Variants in CDK14 observed in about 807,000 individuals in gnomAD.
CDK14 encodes the protein cyclin-dependent kinase 14.
A neutral mutation model predicts 60.7 loss-of-function variants in CDK14; 34 were observed. That is an observed-to-expected ratio of 0.56 (90% CI 0.43 to 0.75). CDK14 has a LOEUF of 0.75. Among genes scored for constraint, CDK14 ranks in the 30% least tolerant of loss-of-function variants. The probability of loss-of-function intolerance (pLI) is 0.00; values close to 1 mark genes in which losing one functional copy is unlikely to be tolerated. For synonymous variants in CDK14, 197 were observed against 203.7 expected (o/e 0.97, Z 0.28); for missense variants, 482 against 564.1 (o/e 0.85, Z 1.47).
At chr7:91,107,055 G>T (rs938972800) in intron 12 of CDK14, among the ~76,000 whole-genome samples, 1 of 152,194 alleles carries the variant, frequency 6.6e-6, no homozygotes, top group South Asian at 2.1e-4. Context: ...ACCTAGATGG[G>T]TAAACCTAGG....
chr7:90,708,833 C>T (rs1801961607), intron 2 of CDK14, among the ~76,000 whole-genome samples: 1 of 152,064 alleles, frequency 6.6e-6, no homozygotes, highest in African/African-American at 2.4e-5. Context: ...TAAGGTATTT[C>T]TCAGTTGTAT....
intron 2 of CDK14, among the ~76,000 whole-genome samples, chr7:90,719,002 C>T (rs760652034): frequency 5.9e-5 from 9 of 152,026 alleles, no homozygotes; most frequent in Non-Finnish European, 7.4e-5. Flanking sequence ...GGTAGTACTA[C>T]GATTTAAGTG....
intron 5 of CDK14, among the ~76,000 whole-genome samples, chr7:90,809,810 T>A (rs1337838105): frequency 6.6e-6 from 1 of 152,124 alleles, no homozygotes; most frequent in Non-Finnish European, 1.5e-5. Context: ...CCCACAGAAA[T>A]GCAGACTACC....
intron 12 of CDK14, among the ~76,000 whole-genome samples, chr7:91,099,580 C>T (rs369870351): frequency 4.5e-4 from 68 of 152,146 alleles, no homozygotes; most frequent in African/African-American, 1.6e-3. Context: ...CCTGTGAAGT[C>T]GGTGAAATAA....
chr7:90,872,288 T>TA (rs1791393473), intron 6 of CDK14, among the ~76,000 whole-genome samples: 1 of 152,204 alleles, frequency 6.6e-6, no homozygotes, highest in Admixed American at 6.5e-5. Context: ...GGGTTTTTGT[T>TA]TCATATATGG....
intron 2 of CDK14, among the ~76,000 whole-genome samples, chr7:90,713,425 G>A (rs1335654682): frequency 1.3e-5 from 2 of 151,698 alleles, no homozygotes; most frequent in East Asian, 3.9e-4. Context: ...TTCTTAATGG[G>A]TCTTGCTTTC....
chr7:90,796,833 A>G (rs1268370087), intron 5 of CDK14, among the ~76,000 whole-genome samples: 1 of 151,902 alleles, frequency 6.6e-6, no homozygotes, highest in Non-Finnish European at 1.5e-5. Flanking sequence ...AGTAGTATAT[A>G]TGTACCATGG....
chr7:90,747,713 A>G lies in CDK14; in HGVS notation c.402A>G (p.Ser134=). 1 of 1,598,990 alleles carries G rather than the reference A, an allele frequency of 6.3e-7. No individual in the cohort carries two copies. Among genetic ancestry groups the G allele is most frequent in the Non-Finnish European group, 8.5e-7 (1 of 1,174,960 alleles). Reference sequence around the variant, plus strand: ...GTCCCAAATTTGGAAAAGCTGACTCATATGAAAAGCTGGAAAAACTAGGGG... The same window carrying G: ...GTCCCAAATTTGGAAAAGCTGACTCGTATGAAAAGCTGGAAAAACTAGGGG... ...PTSPKFGKAD[S]YEKLEKLGEG... The change falls in exon 4 of 15, where the codon TCA becomes TCG. Residue 134 remains serine, a synonymous_variant. Coordinates refer to ENST00000380050, the MANE Select transcript of CDK14 (RefSeq NM_001287135.2).
intron 11 of CDK14, among the ~76,000 whole-genome samples, chr7:91,062,748 T>C (rs1797844162): frequency 6.6e-6 from 1 of 151,958 alleles, no homozygotes; most frequent in South Asian, 2.1e-4. Context: ...AAAATACTGT[T>C]TCATGACACA....
intron 5 of CDK14, among the ~76,000 whole-genome samples, chr7:90,804,742 C>G (rs1314651598): frequency 6.6e-6 from 1 of 152,000 alleles, no homozygotes; most frequent in Non-Finnish European, 1.5e-5. Context: ...GAATTCCTGG[C>G]TGTTTTAAAT....
intron 14 of CDK14, among the ~76,000 whole-genome samples, chr7:91,121,533 T>C (rs1185066873): frequency 6.6e-6 from 1 of 152,224 alleles, no homozygotes; most frequent in African/African-American, 2.4e-5. Flanking sequence ...GTCACTTCAA[T>C]TATTTAGTTA....
At chr7:90,692,092 G>A (rs1165822525) in intron 2 of CDK14, among the ~76,000 whole-genome samples, 1 of 152,144 alleles carries the variant, frequency 6.6e-6, no homozygotes, top group African/African-American at 2.4e-5. Context: ...GAAATATGGT[G>A]TGCTCCAATC....
At chr7:91,064,261 T>G (rs1185631916) in intron 11 of CDK14, among the ~76,000 whole-genome samples, 1 of 152,148 alleles carries the variant, frequency 6.6e-6, no homozygotes, top group East Asian at 1.9e-4. Flanking sequence ...ACTAGCTTTG[T>G]GCATTATCAG....
At chr7:90,710,490 C>T in intron 2 of CDK14, 1 of 985,262 alleles carries the variant, frequency 1.0e-6, no homozygotes, top group Non-Finnish European at 1.2e-6. Flanking sequence ...GGCTTCCTCC[C>T]TGCTCATCCT....
chr7:90,970,137 T>G (rs997413798), intron 9 of CDK14, among the ~76,000 whole-genome samples: 1 of 152,140 alleles, frequency 6.6e-6, no homozygotes, highest in African/African-American at 2.4e-5. Context: ...AGCTAATTTT[T>G]GTATTTTTAG....
chr7:90,853,100 GTA>G (rs1463474895), intron 5 of CDK14, among the ~76,000 whole-genome samples: 3 of 152,060 alleles, frequency 2.0e-5, no homozygotes, highest in Non-Finnish European at 2.9e-5. Flanking sequence ...TCTGCTGATT[GTA>G]TATGTTTATC....
chr7:91,112,977 A>G (rs923440636), intron 13 of CDK14, among the ~76,000 whole-genome samples: 3 of 152,074 alleles, frequency 2.0e-5, no homozygotes, highest in Non-Finnish European at 2.9e-5. Context: ...CTTTTTTGCT[A>G]TCTCTGCTCT....
intron 4 of CDK14, among the ~76,000 whole-genome samples, chr7:90,789,317 CTG>C (rs1805727773): frequency 6.6e-6 from 1 of 151,984 alleles, no homozygotes; most frequent in Non-Finnish European, 1.5e-5. Context: ...AGAGTGTACT[CTG>C]TATTGTATAC....
chr7:90,729,656 A>C (rs1563060124), intron 3 of CDK14, among the ~76,000 whole-genome samples: 1 of 151,154 alleles, frequency 6.6e-6, no homozygotes, highest in Non-Finnish European at 1.5e-5. Flanking sequence ...GACTTTTTTT[A>C]ATATATATTA....
Sources: allele counts gnomAD v4.1 joint callset (sites outside exome capture counted in the v4.1 genomes callset), GRCh38; gene constraint gnomAD v4.1.1; transcripts MANE v1.5; gene names NCBI Gene and HGNC (gene_info 2026-07-23, HGNC 2026-07-21).